EI24: variants seen among roughly 807,000 people sequenced by gnomAD.
EI24 encodes etoposide-induced protein 2.4 homolog.
EI24 carries 21 observed loss-of-function variants against 48.6 expected under a neutral mutation model. The ratio of observed to expected loss-of-function variants is 0.43; its 90% confidence interval spans 0.31 to 0.62. The LOEUF (loss-of-function observed/expected upper bound fraction) is 0.62, where lower values mean the gene tolerates loss of function less well. Among genes scored for constraint, EI24 ranks in the 20% least tolerant of loss-of-function variants. The probability of loss-of-function intolerance (pLI) is 0.10; values close to 1 mark genes in which losing one functional copy is unlikely to be tolerated. For missense variants in EI24, 280 were observed against 410.5 expected (o/e 0.68, Z 2.75); for synonymous variants, 114 against 145.5 (o/e 0.78, Z 1.56).
intron 10 of EI24, 37 bp from the exon 11 acceptor site, chr11:125,583,484 A>C (rs1649020705): frequency 6.7e-7 from 1 of 1,501,618 alleles, no homozygotes; most frequent in Admixed American, 2.2e-5. Context: ...ATTTTGAGTA[A>C]CTGGGGAGCT....
At chr11:125,571,236 T>C (rs1391922984) in intron 1 of EI24, among the ~76,000 whole-genome samples, 4 of 152,206 alleles carry the variant, frequency 2.6e-5, no homozygotes, top group Non-Finnish European at 4.4e-5. Context: ...CTTTGTATTA[T>C]GGTCATACCT....
At chr11:125,570,380 G>C (rs1938491109) in intron 1 of EI24, 1 of 152,214 alleles carries the variant, frequency 6.6e-6, no homozygotes, top group African/African-American at 2.4e-5. Context: ...TTCTCAAATT[G>C]TGGCAGGTTA....
rs141914290 is a variant in EI24 at position 125,577,756 on chromosome 11, CTGT to C, written c.316+191_316+193del. On this transcript the variant is annotated intron_variant, in intron 5 of 10. Coordinates refer to ENST00000278903, the MANE Select transcript of EI24 (RefSeq NM_004879.5). The stretch of plus-strand genomic sequence containing the variant: ...CCTAGAGGCCCTTTAAGAATGGGTA[CTGT>C]TGTTCTATCCATTTTATGAATGAGG... The C allele has an allele frequency of 8.4e-3, 4,871 of 578,796 alleles. 137 individuals carry two copies. The highest frequency in any genetic ancestry group is 0.068 in the African/African-American group (3,633 of 53,546). 35.9% of individuals were successfully genotyped at this position (578,796 alleles called of 1,614,324 possible).
Position 125,580,078 on chromosome 11 carries a change from A to T in EI24, c.562-15A>T, listed in dbSNP as rs369907041. 1 of 1,597,884 alleles carries T rather than the reference A, an allele frequency of 6.3e-7. No individual in the cohort carries two copies. ...CGAGGCTTTGGGATTAAGATTTTCCATATTTGTTCTTCAGGGAATGTTTGT... is the reference window on the plus strand; with the variant it reads ...CGAGGCTTTGGGATTAAGATTTTCCTTATTTGTTCTTCAGGGAATGTTTGT... On this transcript the variant is annotated splice_polypyrimidine_tract_variant and intron_variant, in intron 7 of 10. Coordinates refer to ENST00000278903, the MANE Select transcript of EI24 (RefSeq NM_004879.5).
chr11:125,577,326 A>G (rs1938789364), intron 4 of EI24, among the ~76,000 whole-genome samples, 178 bp from the exon 5 acceptor site: 3 of 152,276 alleles, frequency 2.0e-5, no homozygotes, highest in East Asian at 1.9e-4. Context: ...TCCTGACCTC[A>G]AGTGATCTGC....
At chr11:125,569,982 G>GCTA (rs1381957507) in intron 1 of EI24, 1 of 154,666 alleles carries the variant, frequency 6.5e-6, no homozygotes, top group Non-Finnish European at 1.4e-5. Context: ...CCTGGAGTGG[G>GCTA]CTACGACAGC....
chr11:125,569,656 G>A, intron 1 of EI24, 83 bp downstream of exon 1: 1 of 325,756 alleles, frequency 3.1e-6, no homozygotes, highest in Admixed American at 4.9e-5. Flanking sequence ...GGCAGGCAGG[G>A]CCCGAGCGTG....
chr11:125,573,599 A>G, intron 2 of EI24: 1 of 219,340 alleles, frequency 4.6e-6, no homozygotes, highest in Non-Finnish European at 1.0e-5. Context: ...GAAAGTAAAA[A>G]GGTTATTACT....
At chr11:125,583,160 G>T (rs976215452) in intron 10 of EI24, among the ~76,000 whole-genome samples, 1 of 152,108 alleles carries the variant, frequency 6.6e-6, no homozygotes, top group Non-Finnish European at 1.5e-5. Context: ...GAGTGCAGTG[G>T]CGTGATCTCG....
intron 7 of EI24, 52 bp from the exon 8 acceptor site, chr11:125,580,041 G>A: frequency 7.3e-7 from 1 of 1,377,006 alleles, no homozygotes; most frequent in Admixed American, 1.7e-5. Context: ...CAGGTGAATG[G>A]TGCTAGGTTT....
Position 125,582,419 on chromosome 11 carries a change from T to C in EI24, c.859T>C (p.Tyr287His). 7 of 1,597,652 alleles carry C rather than the reference T, an allele frequency of 4.4e-6. No individual in the cohort carries two copies. Among genetic ancestry groups the C allele is most frequent in the Non-Finnish European group, 6.0e-6 (7 of 1,171,672 alleles). ...ANEAKTPGKA[Y>H]LFQLRLFSLV... ...TGAAGCAAAGACCCCTGGCAAAGCA[T>C]AGTAAGTATTAGCCAGTGATGAAAT... The change falls in exon 10 of 11, where the codon TAT (tyrosine) becomes CAT (histidine). Residue 287 changes from tyrosine (Y) to histidine (H), a missense_variant and splice_region_variant. By Grantham distance (83) the Tyr-to-His change is moderately conservative (BLOSUM62 2). Coordinates refer to ENST00000278903, the MANE Select transcript of EI24 (RefSeq NM_004879.5).
intron 8 of EI24, among the ~76,000 whole-genome samples, 170 bp downstream of exon 8, chr11:125,580,374 A>G (rs1938943655): frequency 6.6e-6 from 1 of 152,120 alleles, no homozygotes; most frequent in South Asian, 2.1e-4. Flanking sequence ...TTAACTCTCA[A>G]CTTTGAGGCT....
At chr11:125,580,012 G>C in intron 7 of EI24, 81 bp from the exon 8 acceptor site, 1 of 1,127,402 alleles carries the variant, frequency 8.9e-7, no homozygotes, top group Non-Finnish European at 1.3e-6. Context: ...AGCTATCTCA[G>C]ACAGTGATTG....
At chr11:125,581,145 ATAGTTACT>A (rs1938976864) in intron 8 of EI24, 58 bp from the exon 9 acceptor site, 2 of 866,540 alleles carry the variant, frequency 2.3e-6, no homozygotes, top group African/African-American at 3.3e-5. Context: ...TTTGTCTACC[ATAGTTACT>A]TAGTCACTTG....
intron 9 of EI24, 121 bp from the exon 10 acceptor site, chr11:125,582,225 G>A: frequency 1.2e-6 from 1 of 868,944 alleles, no homozygotes; most frequent in Non-Finnish European, 1.7e-6. Flanking sequence ...GAAATATTGA[G>A]GTTTCATCAA....
At chr11:125,571,864 G>A (rs955870824) in intron 1 of EI24, among the ~76,000 whole-genome samples, 3 of 152,160 alleles carry the variant, frequency 2.0e-5, no homozygotes, top group South Asian at 2.1e-4. Flanking sequence ...CAACAAGAGC[G>A]AGACTCTGTC....
intron 4 of EI24, among the ~76,000 whole-genome samples, chr11:125,576,854 T>G (rs1048434503): frequency 5.9e-5 from 9 of 152,262 alleles, no homozygotes; most frequent in Non-Finnish European, 2.9e-5. Context: ...CTTCTTAATC[T>G]AAACAATTCA....
intron 2 of EI24, among the ~76,000 whole-genome samples, 178 bp from the exon 3 acceptor site, chr11:125,575,085 G>C (rs1212654348): frequency 6.6e-6 from 1 of 151,914 alleles, no homozygotes; most frequent in African/African-American, 2.4e-5. Context: ...TTAAAAGCCA[G>C]GTGTGGTGGT....
intron 1 of EI24, chr11:125,569,825 C>G (rs897628126): frequency 1.6e-5 from 4 of 245,856 alleles, no homozygotes; most frequent in Non-Finnish European, 3.1e-5. Context: ...CTCGCGTGAT[C>G]CGTACCTCGT....
Sources: allele counts gnomAD v4.1 joint callset (sites outside exome capture counted in the v4.1 genomes callset), GRCh38; gene constraint gnomAD v4.1.1; transcripts MANE v1.5; gene names NCBI Gene and HGNC (gene_info 2026-07-23, HGNC 2026-07-21).